Variants in COTL1 observed in about 807,000 individuals in gnomAD.
COTL1 encodes the protein coactosin like F-actin binding protein 1.
In COTL1, 15 loss-of-function variants were observed where a neutral mutation model predicts 16.5. The observed-to-expected ratio is 0.91, with a 90% CI of 0.61 to 1.40. The LOEUF is 1.40. Ranked by LOEUF, COTL1 falls within the 40% of genes most tolerant of loss-of-function variation. The probability of loss-of-function intolerance (pLI) is 0.00; values close to 1 mark genes in which losing one functional copy is unlikely to be tolerated. For synonymous variants in COTL1, 112 were observed against 85.3 expected (o/e 1.31, Z -1.73); for missense variants, 220 against 201.5 (o/e 1.09, Z -0.56).
chr16:84,613,106 T>C (rs915866370), intron 2 of COTL1, among the ~76,000 whole-genome samples: 1 of 151,816 alleles, frequency 6.6e-6, no homozygotes, highest in African/African-American at 2.4e-5. Context: ...GTTCAAGTGA[T>C]TCTCCCGCCT....
intron 2 of COTL1, among the ~76,000 whole-genome samples, chr16:84,612,381 A>G (rs995945833): frequency 6.6e-6 from 1 of 152,188 alleles, no homozygotes; most frequent in African/African-American, 2.4e-5. Flanking sequence ...CCAAATGCCT[A>G]TTGCATACCA....
At chr16:84,569,813 C>A (rs1487869123) in intron 3 of COTL1, among the ~76,000 whole-genome samples, 1 of 152,222 alleles carries the variant, frequency 6.6e-6, no homozygotes, top group Non-Finnish European at 1.5e-5. Context: ...AGCCCCACGG[C>A]ATGAGGGAGG....
chr16:84,611,814 A>C (rs1015673281), intron 2 of COTL1, among the ~76,000 whole-genome samples: 3 of 152,186 alleles, frequency 2.0e-5, no homozygotes, highest in Non-Finnish European at 4.4e-5. Flanking sequence ...ATGGTGCAGA[A>C]ACAAAATGTG....
At chr16:84,593,548 G>A (rs1363041081) in intron 2 of COTL1, among the ~76,000 whole-genome samples, 1 of 148,724 alleles carries the variant, frequency 6.7e-6, no homozygotes. Context: ...GTCTCGCTCC[G>A]TCGCCCAGGC....
intron 3 of COTL1, among the ~76,000 whole-genome samples, chr16:84,572,283 C>T (rs1014506912): frequency 1.2e-4 from 19 of 152,198 alleles, no homozygotes; most frequent in African/African-American, 4.3e-4. Flanking sequence ...CCAGAGGGAA[C>T]ATATGCATGC....
intron 3 of COTL1, chr16:84,576,823 G>C (rs975402): frequency 0.042 from 6,333 of 152,348 alleles, 157 homozygotes; most frequent in African/African-American, 0.051. Context: ...AAGGCTGCCT[G>C]CTGGCTTCAG....
intron 3 of COTL1, chr16:84,567,488 T>C (rs1283304526): frequency 6.6e-6 from 1 of 152,404 alleles, no homozygotes; most frequent in Admixed American, 6.6e-5. Context: ...TACGTGGAGG[T>C]GGAAGGAGAC....
intron 3 of COTL1, among the ~76,000 whole-genome samples, chr16:84,583,682 A>C (rs1053707518): frequency 6.6e-6 from 1 of 151,880 alleles, no homozygotes; most frequent in Admixed American, 6.6e-5. Flanking sequence ...CTGGTCTCCA[A>C]CTCCTGGGCT....
intron 2 of COTL1, among the ~76,000 whole-genome samples, chr16:84,611,799 T>A (rs948806725): frequency 6.6e-6 from 1 of 152,232 alleles, no homozygotes; most frequent in African/African-American, 2.4e-5. Flanking sequence ...ATATGTATTA[T>A]CTGAATGGTG....
chr16:84,617,748 C>G lies in COTL1; in HGVS notation c.77+90G>C, dbSNP rs989590120. On this transcript the variant is annotated intron_variant, in intron 1 of 3. Transcript: ENST00000262428. ...GGCGAGGAAGACAGCGCGGGAGGCC[C>G]GAATCCGTCCCGCCTGGAGGCCGGC... 7.8e-6 allele frequency: 11 copies of G among 1,417,490 alleles called. No individual in the cohort carries two copies. In the African/African-American group the frequency reaches 1.6e-4, roughly 20 times the overall value. The allele number at this position is 1,417,490 out of a possible 1,614,324, so 87.8% of individuals were successfully genotyped here.
intron 3 of COTL1, among the ~76,000 whole-genome samples, chr16:84,581,978 C>CTT (rs11332563): frequency 0.01 from 672 of 65,804 alleles, 1 homozygote; most frequent in Middle Eastern, 0.02. Flanking sequence ...TACATTTCTT[C>CTT]TTTTTTTTTT....
intron 2 of COTL1, among the ~76,000 whole-genome samples, chr16:84,612,755 T>C (rs759157399): frequency 8.6e-5 from 13 of 151,996 alleles, no homozygotes; most frequent in Non-Finnish European, 1.8e-4. Context: ...AAAAACTTTG[T>C]CTCAAAAAAA....
At chr16:84,616,977 G>C (rs1382446692) in intron 2 of COTL1, among the ~76,000 whole-genome samples, 2 of 152,116 alleles carry the variant, frequency 1.3e-5, no homozygotes, top group African/African-American at 4.8e-5. Context: ...GCCTTGTCTA[G>C]GATTTCTAAA....
At chr16:84,580,424 T>C (rs981282762) in intron 3 of COTL1, among the ~76,000 whole-genome samples, 1 of 152,156 alleles carries the variant, frequency 6.6e-6, no homozygotes, top group African/African-American at 2.4e-5. Flanking sequence ...TTTTTTCATA[T>C]ATTTTTTGTA....
chr16:84,576,753 C>T (rs1467478522), intron 3 of COTL1: 1 of 152,252 alleles, frequency 6.6e-6, no homozygotes, highest in East Asian at 1.9e-4. Flanking sequence ...GATCCTAGGG[C>T]AATGGGGAAA....
chr16:84,567,035 G>A, intron 3 of COTL1, 80 bp from the exon 4 acceptor site: 1 of 949,802 alleles, frequency 1.1e-6, no homozygotes, highest in Non-Finnish European at 1.7e-6. Flanking sequence ...CAACACACTG[G>A]GAAGCAAAGC....
At chr16:84,573,256 T>C (rs1372925058) in intron 3 of COTL1, among the ~76,000 whole-genome samples, 1 of 152,260 alleles carries the variant, frequency 6.6e-6, no homozygotes, top group Non-Finnish European at 1.5e-5. Context: ...GCCCTCCGGG[T>C]ATACGGCACA....
chr16:84,580,118 G>A (rs971763628), intron 3 of COTL1, among the ~76,000 whole-genome samples: 3 of 152,236 alleles, frequency 2.0e-5, no homozygotes, highest in African/African-American at 7.2e-5. Context: ...CACTGGTCTG[G>A]AGTTTGGTGG....
intron 3 of COTL1, chr16:84,567,193 G>T: frequency 2.2e-6 from 1 of 452,362 alleles, no homozygotes; most frequent in Non-Finnish European, 4.0e-6. Flanking sequence ...CAGATCTGAT[G>T]CTGCGTCTTC....
Sources: allele counts gnomAD v4.1 joint callset (sites outside exome capture counted in the v4.1 genomes callset), GRCh38; gene constraint gnomAD v4.1.1; transcripts MANE v1.5; gene names NCBI Gene and HGNC (gene_info 2026-07-23, HGNC 2026-07-21).